ARHGAP31: variants seen among roughly 807,000 people sequenced by gnomAD.
ARHGAP31 encodes the protein rho GTPase-activating protein 31.
A neutral mutation model predicts 113.9 loss-of-function variants in ARHGAP31; 34 were observed. The ratio of observed to expected loss-of-function variants is 0.30; its 90% CI spans 0.23 to 0.40. ARHGAP31 has a LOEUF of 0.40. Ranked by LOEUF, ARHGAP31 falls within the 10% of genes least tolerant of loss-of-function variation. The pLI, the probability that ARHGAP31 is intolerant of heterozygous loss-of-function variation, is 1.00. For missense variants in ARHGAP31, 1,548 were observed against 1,767.1 expected (o/e 0.88, Z 2.22); for synonymous variants, 650 against 684.8 (o/e 0.95, Z 0.79).
chr3:119,306,979 G>A (rs1371174676), intron 1 of ARHGAP31, among the ~76,000 whole-genome samples: 1 of 151,692 alleles, frequency 6.6e-6, no homozygotes, highest in Non-Finnish European at 1.5e-5. Context: ...TTGAGTCATT[G>A]GCTTTTTCAT....
intron 1 of ARHGAP31, among the ~76,000 whole-genome samples, chr3:119,323,027 G>GCAACGT (rs2079806692): frequency 6.6e-6 from 1 of 152,156 alleles, no homozygotes; most frequent in Admixed American, 6.5e-5. Context: ...TTCAGCTTCA[G>GCAACGT]CAACGTCAAG....
intron 1 of ARHGAP31, among the ~76,000 whole-genome samples, chr3:119,300,993 G>A (rs1273170043): frequency 6.6e-6 from 1 of 152,126 alleles, no homozygotes; most frequent in Admixed American, 6.5e-5. Context: ...TCCGCATTTG[G>A]GCTCCCAGAG....
intron 3 of ARHGAP31, among the ~76,000 whole-genome samples, chr3:119,370,978 C>A (rs1326268270): frequency 6.6e-6 from 1 of 152,132 alleles, no homozygotes; most frequent in Non-Finnish European, 1.5e-5. Context: ...GACTTTCCAA[C>A]CCTGGGTATT....
At chr3:119,367,139 C>T (rs1048900155) in intron 2 of ARHGAP31, among the ~76,000 whole-genome samples, 2 of 151,776 alleles carry the variant, frequency 1.3e-5, no homozygotes, top group African/African-American at 4.8e-5. Flanking sequence ...CAAAGCCCCA[C>T]TCAGTTTCTT....
At chr3:119,315,016 C>G (rs1268892819) in intron 1 of ARHGAP31, among the ~76,000 whole-genome samples, 1 of 152,190 alleles carries the variant, frequency 6.6e-6, no homozygotes. Context: ...CTTGTGCCTC[C>G]CCCAAGCCCT....
At chr3:119,301,078 G>C (rs1171711218) in intron 1 of ARHGAP31, among the ~76,000 whole-genome samples, 1 of 152,194 alleles carries the variant, frequency 6.6e-6, no homozygotes, top group African/African-American at 2.4e-5. Context: ...TTGAGGCCGA[G>C]CTGTAACTTA....
At chr3:119,344,918 TA>T (rs1439640904) in intron 1 of ARHGAP31, among the ~76,000 whole-genome samples, 1 of 152,132 alleles carries the variant, frequency 6.6e-6, no homozygotes, top group African/African-American at 2.4e-5. Flanking sequence ...GTGTTTTGTT[TA>T]TTTTTATTTC....
intron 1 of ARHGAP31, among the ~76,000 whole-genome samples, chr3:119,309,658 G>A (rs1378260866): frequency 6.6e-6 from 1 of 152,014 alleles, no homozygotes; most frequent in Non-Finnish European, 1.5e-5. Flanking sequence ...TACTCAGGAG[G>A]CTGAGGTGGG....
chr3:119,294,947 G>C lies in ARHGAP31; in HGVS notation c.43G>C (p.Ala15Pro). Residue 15 changes from alanine to proline, a missense_variant, in exon 1 of 12, where the codon GCC (alanine) becomes CCC (proline). Coordinates refer to ENST00000264245, the MANE Select transcript of ARHGAP31 (RefSeq NM_020754.4). ...GAKQKLKRKG[A>P]ASAFGCDLTE... is the part of the protein sequence containing the mutation. Reference sequence around the variant, plus strand: ...TAAGCAGAAGCTGAAACGAAAGGGAGCCGCCAGCGCGTTTGGCTGTGACCT... The same window carrying C: ...TAAGCAGAAGCTGAAACGAAAGGGACCCGCCAGCGCGTTTGGCTGTGACCT... 1.9e-6 allele frequency: 3 copies of C among 1,614,162 alleles called. No individual in the cohort carries two copies. Among genetic ancestry groups the C allele is most frequent in the Non-Finnish European group, 2.5e-6 (3 of 1,180,020 alleles).
chr3:119,337,130 G>C (rs919004806), intron 1 of ARHGAP31, among the ~76,000 whole-genome samples: 2 of 152,124 alleles, frequency 1.3e-5, no homozygotes, highest in African/African-American at 4.8e-5. Context: ...TGAGCTCTTG[G>C]TCTTGCTCAC....
intron 1 of ARHGAP31, among the ~76,000 whole-genome samples, chr3:119,328,537 C>T (rs576187813): frequency 2.5e-4 from 38 of 152,196 alleles, no homozygotes; most frequent in Non-Finnish European, 4.6e-4. Context: ...TTTCATTCTT[C>T]TTCTGGACAG....
intron 1 of ARHGAP31, among the ~76,000 whole-genome samples, chr3:119,331,943 C>G (rs1180602253): frequency 2.6e-5 from 4 of 152,142 alleles, no homozygotes; most frequent in East Asian, 3.9e-4. Flanking sequence ...AAGAGCTCCA[C>G]GGGACTGAGA....
chr3:119,400,760 G>T (rs1486663706), intron 9 of ARHGAP31, among the ~76,000 whole-genome samples: 1 of 152,184 alleles, frequency 6.6e-6, no homozygotes, highest in Non-Finnish European at 1.5e-5. Flanking sequence ...AAGATGCCCA[G>T]TTTAGTGCTT....
At chr3:119,308,618 A>T (rs1042523405) in intron 1 of ARHGAP31, among the ~76,000 whole-genome samples, 1 of 152,176 alleles carries the variant, frequency 6.6e-6, no homozygotes, top group Non-Finnish European at 1.5e-5. Context: ...ATAATCCAGG[A>T]CACTATCCCT....
chr3:119,345,812 A>C (rs923274211), intron 1 of ARHGAP31, among the ~76,000 whole-genome samples: 10 of 152,164 alleles, frequency 6.6e-5, no homozygotes, highest in African/African-American at 2.2e-4. Flanking sequence ...AGAGAGGGCC[A>C]TTCAATGAGC....
At chr3:119,323,136 C>G (rs1383434555) in intron 1 of ARHGAP31, among the ~76,000 whole-genome samples, 2 of 152,216 alleles carry the variant, frequency 1.3e-5, no homozygotes, top group Non-Finnish European at 2.9e-5. Flanking sequence ...TTTCTGATCC[C>G]CTTTCGGCGC....
intron 1 of ARHGAP31, among the ~76,000 whole-genome samples, chr3:119,345,487 G>A (rs1343226062): frequency 6.6e-6 from 1 of 152,102 alleles, no homozygotes; most frequent in Non-Finnish European, 1.5e-5. Context: ...AATGGCTCCA[G>A]AACTCATGCC....
chr3:119,369,941 G>A (rs1473116704), intron 3 of ARHGAP31, among the ~76,000 whole-genome samples: 1 of 149,498 alleles, frequency 6.7e-6, no homozygotes, highest in Admixed American at 6.7e-5. Flanking sequence ...AATAGGGGGA[G>A]AAATGAAGAT....
At chr3:119,394,051 G>T (rs2029034) in intron 8 of ARHGAP31, among the ~76,000 whole-genome samples, 35 of 152,076 alleles carry the variant, frequency 2.3e-4, no homozygotes, top group African/African-American at 8.2e-4. Context: ...CTGGCCATTT[G>T]TTTAGTAGAA....
Sources: allele counts gnomAD v4.1 joint callset (sites outside exome capture counted in the v4.1 genomes callset), GRCh38; gene constraint gnomAD v4.1.1; transcripts MANE v1.5; gene names NCBI Gene and HGNC (gene_info 2026-07-23, HGNC 2026-07-21).